Variants in RASGRF2 observed in about 807,000 individuals in gnomAD.
The protein encoded by RASGRF2 is ras-specific guanine nucleotide-releasing factor 2.
RASGRF2 carries 76 observed loss-of-function variants against 151.0 expected under a neutral mutation model. The observed-to-expected ratio is 0.50, with a 90% CI of 0.42 to 0.61. The LOEUF (loss-of-function observed/expected upper bound fraction) is 0.61, where lower values mean the gene tolerates loss of function less well. RASGRF2 is among the 20% of genes least tolerant of loss of function. RASGRF2 has a pLI of 0.00. For synonymous variants in RASGRF2, 504 were observed against 566.5 expected, an observed-to-expected ratio of 0.89 and a Z score of 1.57; for missense variants, 1,148 against 1,564.6, an observed-to-expected ratio of 0.73 and a Z score of 4.49.
intron 1 of RASGRF2, among the ~76,000 whole-genome samples, chr5:81,003,435 G>C (rs925466001): frequency 2.6e-5 from 4 of 152,134 alleles, no homozygotes; most frequent in Non-Finnish European, 5.9e-5. Flanking sequence ...AGGTTAGCCA[G>C]GATGGTCTCG....
chr5:81,100,269 T>C (rs1435003664), intron 12 of RASGRF2, among the ~76,000 whole-genome samples: 2 of 152,190 alleles, frequency 1.3e-5, no homozygotes, highest in East Asian at 3.8e-4. Context: ...AGCTACTGTA[T>C]TGTATTATAC....
chr5:81,207,149 A>T (rs553306343), intron 20 of RASGRF2, 97 bp from the exon 21 acceptor site: 1 of 1,037,754 alleles, frequency 9.6e-7, no homozygotes, highest in Non-Finnish European at 1.4e-6. Flanking sequence ...GGTGAACTTC[A>T]TGCTTCCACA....
chr5:81,195,289 C>T lies in RASGRF2; in HGVS notation c.2794-6041C>T, dbSNP rs75069784. Reference sequence around the variant, plus strand: ...GGCGCTCGGGTACGTCTTATTCCACCGTTTCAGGACTTGGGGAAATGTAGC... The same window carrying T: ...GGCGCTCGGGTACGTCTTATTCCACTGTTTCAGGACTTGGGGAAATGTAGC... On this transcript the variant is annotated intron_variant, in intron 18 of 26. Transcript: ENST00000265080. Among the ~76,000 whole-genome samples, 686 of 152,288 alleles carry T rather than the reference C, an allele frequency of 4.5e-3. 7 individuals are homozygous for T. Among genetic ancestry groups the T allele is most frequent in the East Asian group, 0.027 (138 of 5,168 alleles).
At chr5:81,169,187 C>T (rs1754584632) in intron 17 of RASGRF2, among the ~76,000 whole-genome samples, 1 of 152,150 alleles carries the variant, frequency 6.6e-6, no homozygotes, top group Admixed American at 6.5e-5. Context: ...CTGCCCTTGC[C>T]CCATCTCAGG....
chr5:81,196,744 G>C (rs981612709), intron 18 of RASGRF2, among the ~76,000 whole-genome samples: 1 of 151,808 alleles, frequency 6.6e-6, no homozygotes, highest in East Asian at 1.9e-4. Context: ...CACACTAATC[G>C]TGCATTTATG....
intron 1 of RASGRF2, among the ~76,000 whole-genome samples, chr5:81,012,140 AC>A (rs1463330820): frequency 6.6e-6 from 1 of 152,218 alleles, no homozygotes; most frequent in African/African-American, 2.4e-5. Flanking sequence ...AGAACTTGTT[AC>A]GTCCTTAATC....
chr5:81,022,223 G>A (rs199881371), intron 1 of RASGRF2, among the ~76,000 whole-genome samples: 1 of 152,176 alleles, frequency 6.6e-6, no homozygotes, highest in East Asian at 1.9e-4. Flanking sequence ...GCCCAAAGCA[G>A]TGAATTCTCT....
chr5:81,132,261 G>C (rs1415572505), intron 17 of RASGRF2, among the ~76,000 whole-genome samples: 1 of 152,126 alleles, frequency 6.6e-6, no homozygotes, highest in African/African-American at 2.4e-5. Flanking sequence ...CCGAATTAAT[G>C]AATCAATGAT....
intron 9 of RASGRF2, 121 bp from the exon 10 acceptor site, chr5:81,092,679 TG>T: frequency 1.2e-6 from 1 of 850,590 alleles, no homozygotes; most frequent in Non-Finnish European, 1.9e-6. Context: ...GTTCTGATGA[TG>T]TGTCACATAA....
intron 2 of RASGRF2, among the ~76,000 whole-genome samples, chr5:81,062,402 C>G (rs985519924): frequency 6.6e-6 from 1 of 152,144 alleles, no homozygotes; most frequent in Non-Finnish European, 1.5e-5. Context: ...GATTTATCAA[C>G]TTTAGACAGT....
intron 1 of RASGRF2, among the ~76,000 whole-genome samples, chr5:81,006,529 T>C (rs749814920): frequency 6.6e-5 from 10 of 152,200 alleles, no homozygotes; most frequent in Non-Finnish European, 1.3e-4. Flanking sequence ...AATCTAATAG[T>C]TCCATACCCC....
At chr5:81,005,712 A>G (rs535835146) in intron 1 of RASGRF2, among the ~76,000 whole-genome samples, 9 of 152,214 alleles carry the variant, frequency 5.9e-5, no homozygotes, top group Admixed American at 4.6e-4. Flanking sequence ...TCGTGTAGAC[A>G]TTTTTGAGTA....
intron 17 of RASGRF2, among the ~76,000 whole-genome samples, chr5:81,135,645 G>A (rs2112589160): frequency 6.6e-6 from 1 of 152,264 alleles, no homozygotes; most frequent in African/African-American, 2.4e-5. Flanking sequence ...GTATTCTATT[G>A]TATGGATATA....
chr5:81,224,079 T>A (rs1020325182), intron 26 of RASGRF2, among the ~76,000 whole-genome samples: 1 of 152,028 alleles, frequency 6.6e-6, no homozygotes, highest in Non-Finnish European at 1.5e-5. Flanking sequence ...TTGCAACATA[T>A]ACAACAAAGA....
At chr5:81,202,119 G>A (rs924899289) in intron 19 of RASGRF2, among the ~76,000 whole-genome samples, 3 of 152,108 alleles carry the variant, frequency 2.0e-5, no homozygotes, top group Non-Finnish European at 4.4e-5. Flanking sequence ...GAACTGGTGG[G>A]TGGATTTTTT....
In RASGRF2 at chr5:81,113,395, T is replaced by C. The variant is rs1753056030; in HGVS notation, c.2088-143T>C. ...CTTTGGCAGGTGGAGGGTATACATG[T>C]AGCATTTAGATTAACGGAAGTCCAG... On this transcript the variant is annotated intron_variant, in intron 14 of 26. Coordinates refer to ENST00000265080, the MANE Select transcript of RASGRF2 (RefSeq NM_006909.3). 3.1e-6 allele frequency: 3 copies of C among 958,670 alleles called. No individual in the cohort carries two copies. The East Asian group carries it at 7.7e-5, about 25-fold the overall frequency. The allele number at this position is 958,670 out of a possible 1,614,324, so 59.4% of individuals were successfully genotyped here. A position where few individuals can be genotyped will look rare whatever the true frequency, so the allele number is the denominator to read the frequency against.
intron 25 of RASGRF2, among the ~76,000 whole-genome samples, chr5:81,218,588 T>G (rs1755795157): frequency 6.6e-6 from 1 of 152,220 alleles, no homozygotes; most frequent in Non-Finnish European, 1.5e-5. Flanking sequence ...CCACGCTGTT[T>G]TGGTGACTGT....
At chr5:80,977,610 C>G (rs1179008954) in intron 1 of RASGRF2, among the ~76,000 whole-genome samples, 1 of 152,116 alleles carries the variant, frequency 6.6e-6, no homozygotes, top group East Asian at 1.9e-4. Flanking sequence ...GAACCCACCA[C>G]CACACCCGGC....
At chr5:80,981,597 ACT>A (rs1748303239) in intron 1 of RASGRF2, among the ~76,000 whole-genome samples, 1 of 151,648 alleles carries the variant, frequency 6.6e-6, no homozygotes, top group Admixed American at 6.6e-5. Context: ...ACAGAGTCTC[ACT>A]CTGTCGCCCA....
Sources: gnomAD v4.1 joint callset for allele counts (sites outside exome capture counted in the v4.1 genomes callset) on GRCh38, gnomAD v4.1.1 for gene constraint, MANE v1.5 for transcripts, NCBI Gene and HGNC (gene_info 2026-07-23, HGNC 2026-07-21) for gene names.